SNX8: variants seen among roughly 807,000 people sequenced by gnomAD.
SNX8 encodes the protein sorting nexin 8, also known as sorting nexin-8.
SNX8 carries 25 observed loss-of-function variants against 51.6 expected under a neutral mutation model. The ratio of observed to expected loss-of-function variants is 0.48; its 90% confidence interval spans 0.35 to 0.68. The LOEUF is 0.68. SNX8 is among the 30% of genes least tolerant of loss of function. The pLI is 0.00. For missense variants in SNX8, 695 were observed against 624.0 expected, an observed-to-expected ratio of 1.11 and a Z score of -1.21; for synonymous variants, 324 against 277.0, an observed-to-expected ratio of 1.17 and a Z score of -1.68.
chr7:2,351,339 C>A (rs192496914), intron 1 of SNX8, among the ~76,000 whole-genome samples: 1 of 152,124 alleles, frequency 6.6e-6, no homozygotes, highest in African/African-American at 2.4e-5. Flanking sequence ...ACTGCTTGAG[C>A]CCAGGAGTTG....
chr7:2,282,250 C>A (rs1172891953), intron 1 of SNX8, among the ~76,000 whole-genome samples: 1 of 152,222 alleles, frequency 6.6e-6, no homozygotes, highest in Non-Finnish European at 1.5e-5. Context: ...TTTTCGGTGG[C>A]GGTCAGCTCC....
chr7:2,272,348 T>C (rs1348793583), intron 3 of SNX8, among the ~76,000 whole-genome samples: 2 of 151,792 alleles, frequency 1.3e-5, no homozygotes, highest in African/African-American at 4.8e-5. Flanking sequence ...TGCTACGCTC[T>C]AACACTAACG....
chr7:2,284,031 G>A (rs1795966291), intron 1 of SNX8, among the ~76,000 whole-genome samples: 1 of 152,150 alleles, frequency 6.6e-6, no homozygotes, highest in Non-Finnish European at 1.5e-5. Context: ...CTGACCTCAA[G>A]TGATCTACCC....
At chr7:2,330,899 T>A (rs1778720931) in intron 1 of SNX8, among the ~76,000 whole-genome samples, 1 of 151,952 alleles carries the variant, frequency 6.6e-6, no homozygotes, top group African/African-American at 2.4e-5. Flanking sequence ...AGAAAATTCC[T>A]AGACACCGGG....
At chr7:2,343,398 G>A (rs995064641) in intron 1 of SNX8, among the ~76,000 whole-genome samples, 2 of 152,032 alleles carry the variant, frequency 1.3e-5, no homozygotes, top group Non-Finnish European at 2.9e-5. Context: ...CATACAGGCC[G>A]GGCATGGTGG....
At chr7:2,273,853 G>A (rs903984078) in intron 3 of SNX8, among the ~76,000 whole-genome samples, 5 of 151,392 alleles carry the variant, frequency 3.3e-5, no homozygotes, top group African/African-American at 4.9e-5. Flanking sequence ...GCCATGAGCC[G>A]AGATTGCACC....
chr7:2,317,251 CT>C (rs780593342), upstream of SNX8, among the ~76,000 whole-genome samples: 4 of 43,116 alleles, frequency 9.3e-5, no homozygotes, highest in Non-Finnish European at 1.9e-4. Flanking sequence ...CCTGGACCTT[CT>C]TTTTTTTTTT....
intron 1 of SNX8, among the ~76,000 whole-genome samples, chr7:2,290,708 C>T (rs970221258): frequency 5.7e-4 from 86 of 152,136 alleles, no homozygotes; most frequent in African/African-American, 1.8e-3. Flanking sequence ...ATGGGGACCG[C>T]GCCTCAGTCA....
At chr7:2,268,569 T>A (rs866291886) in intron 5 of SNX8, among the ~76,000 whole-genome samples, 1 of 107,038 alleles carries the variant, frequency 9.3e-6, no homozygotes, top group Admixed American at 9.2e-5. Context: ...GCCCCCCGCC[T>A]GGCCAGCCGC....
intron 1 of SNX8, among the ~76,000 whole-genome samples, chr7:2,313,121 G>C (rs1031518044): frequency 3.3e-5 from 5 of 151,832 alleles, no homozygotes; most frequent in Non-Finnish European, 5.9e-5. Flanking sequence ...GGATGGTCTT[G>C]ATCTCCTGAC....
chr7:2,345,757 T>C (rs1458299223), intron 1 of SNX8, among the ~76,000 whole-genome samples: 1 of 152,060 alleles, frequency 6.6e-6, no homozygotes, highest in Admixed American at 6.6e-5. Flanking sequence ...GTGATATTAT[T>C]GTGTACTTCT....
At position 2,254,767 on chromosome 7, in the gene SNX8, T is replaced by A. The variant is rs1224420256; in HGVS notation, c.*289A>T. On this transcript the variant is annotated 3_prime_UTR_variant, in exon 11 of 11. Coordinates refer to ENST00000222990, the MANE Select transcript of SNX8 (RefSeq NM_013321.4). The stretch of plus-strand genomic sequence containing the variant: ...GGCACAATCTCTGTGAGATGAGAGA[T>A]CCCTGCCTCCCCGCACAGCTCTGGG... 13 of 470,874 alleles carry A rather than the reference T, an allele frequency of 2.8e-5. No individual in the cohort carries two copies. The highest frequency in any genetic ancestry group is 5.0e-5 in the Non-Finnish European group (13 of 260,128). The allele number at this position is 470,874 out of a possible 1,614,324, so 29.2% of individuals were successfully genotyped here. A position where few individuals can be genotyped will look rare whatever the true frequency, so the allele number is the denominator to read the frequency against.
Position 2,264,310 on chromosome 7 carries a change from C to T in SNX8, c.770G>A (p.Gly257Glu), listed in dbSNP as rs900679034. 1 of 1,611,340 alleles carries T rather than the reference C, an allele frequency of 6.2e-7. No individual in the cohort carries two copies. The highest frequency in any genetic ancestry group is 1.3e-5 in the African/African-American group (1 of 74,918). Residue 257 changes from glycine (G) to glutamate (E), a missense_variant, in exon 6 of 11, where the codon GGG becomes GAG. Physicochemically the swap from Gly to Glu is moderately conservative, Grantham distance 98. Coordinates refer to ENST00000222990, the MANE Select transcript of SNX8 (RefSeq NM_013321.4). ...AAAGGTCACCTACCTTAGCTCCTTCCCGAATATGAGAAGATCTGCCGCATT... is the reference window on the plus strand; with the variant it reads ...AAAGGTCACCTACCTTAGCTCCTTCTCGAATATGAGAAGATCTGCCGCATT... ...IDNAADLLIF[G>E]KELSAIGSDT...
At chr7:2,259,559 C>A (rs1327838598) in intron 7 of SNX8, among the ~76,000 whole-genome samples, 1 of 152,140 alleles carries the variant, frequency 6.6e-6, no homozygotes, top group Non-Finnish European at 1.5e-5. Context: ...CCCAGGGGAC[C>A]CTAAGATACC....
At chr7:2,291,427 G>A (rs1030297041) in intron 1 of SNX8, among the ~76,000 whole-genome samples, 2 of 152,026 alleles carry the variant, frequency 1.3e-5, no homozygotes, top group Non-Finnish European at 2.9e-5. Context: ...GCGAAACCCT[G>A]TCTCTACTAA....
At chr7:2,282,198 A>G (rs1795922228) in intron 1 of SNX8, among the ~76,000 whole-genome samples, 1 of 152,176 alleles carries the variant, frequency 6.6e-6, no homozygotes, top group African/African-American at 2.4e-5. Flanking sequence ...GATTCTGCAG[A>G]TCTACCCACT....
At chr7:2,263,717 A>T (rs1488192972) in intron 6 of SNX8, among the ~76,000 whole-genome samples, 1 of 150,626 alleles carries the variant, frequency 6.6e-6, no homozygotes, top group Admixed American at 6.6e-5. Flanking sequence ...AGTCAAAGGG[A>T]TCTTTTTTTT....
chr7:2,294,958 G>C (rs1796238254), intron 1 of SNX8, among the ~76,000 whole-genome samples: 2 of 152,118 alleles, frequency 1.3e-5, no homozygotes, highest in Admixed American at 6.6e-5. Flanking sequence ...TGAGCCCCAG[G>C]AGTTCAAGGC....
At position 2,260,008 on chromosome 7, in the gene SNX8, AAG is replaced by A. The variant is rs1189296773; in HGVS notation, c.916-2207_916-2206del. Among the ~76,000 whole-genome samples, 8 of 152,250 alleles carry A rather than the reference AAG, an allele frequency of 5.3e-5. No individual in the cohort carries two copies. In the East Asian group the frequency reaches 5.8e-4, roughly 11 times the overall value. ...AAAAAAAACAAAAAAGGAAAAAAGAAAGAGAGAGAGAAAGAAAGAGAGAGAGA... is the reference window on the plus strand; with the variant it reads ...AAAAAAAACAAAAAAGGAAAAAAGAAAGAGAGAGAAAGAAAGAGAGAGAGA... On this transcript the variant is annotated intron_variant, in intron 7 of 10. Coordinates refer to ENST00000222990, the MANE Select transcript of SNX8 (RefSeq NM_013321.4).
Sources: allele counts gnomAD v4.1 joint callset (sites outside exome capture counted in the v4.1 genomes callset), GRCh38; gene constraint gnomAD v4.1.1; transcripts MANE v1.5; gene names NCBI Gene and HGNC (gene_info 2026-07-23, HGNC 2026-07-21).